The following ZNF804B variants were observed in gnomAD, a reference collection of about 807,000 sequenced individuals.
ZNF804B encodes the protein zinc finger 804B.
Under a neutral mutation model 101.4 loss-of-function variants are expected in ZNF804B, and 80 were observed. The observed-to-expected ratio is 0.79, with a 90% CI of 0.66 to 0.95. The LOEUF (loss-of-function observed/expected upper bound fraction) is 0.95. ZNF804B is among the 40% of genes least tolerant of loss of function. The pLI is 0.00. For missense variants in ZNF804B, 1,673 were observed against 1,561.9 expected (o/e 1.07, Z -1.20); for synonymous variants, 622 against 558.8 (o/e 1.11, Z -1.59).
chr7:88,915,660 A>G (rs1163431687), intron 1 of ZNF804B, among the ~76,000 whole-genome samples: 2 of 151,962 alleles, frequency 1.3e-5, no homozygotes, highest in Admixed American at 6.6e-5. Flanking sequence ...ATTATTTTCA[A>G]TAGACAGAAC....
chr7:88,965,749 T>G (rs1389747066), intron 1 of ZNF804B, among the ~76,000 whole-genome samples: 2 of 151,450 alleles, frequency 1.3e-5, no homozygotes, highest in African/African-American at 4.8e-5. Flanking sequence ...GAATTGAGAG[T>G]ATTTGCTACT....
At chr7:89,330,220 G>A (rs963482179) in intron 3 of ZNF804B, among the ~76,000 whole-genome samples, 1 of 151,600 alleles carries the variant, frequency 6.6e-6, no homozygotes, top group Admixed American at 6.6e-5. Context: ...TTCAAGGGGC[G>A]GGCTGGTGGG....
intron 1 of ZNF804B, among the ~76,000 whole-genome samples, chr7:89,015,130 C>A (rs1369431011): frequency 6.6e-6 from 1 of 152,108 alleles, no homozygotes; most frequent in Non-Finnish European, 1.5e-5. Context: ...ATATACTTGA[C>A]ACCTTTGTCA....
At chr7:89,126,131 A>AT (rs35362573) in intron 1 of ZNF804B, among the ~76,000 whole-genome samples, 13,773 of 150,274 alleles carry the variant, frequency 0.092, 1,289 homozygotes, top group African/African-American at 0.24. Flanking sequence ...ATGTTAATGG[A>AT]TTTTTTTTTT....
chr7:88,917,003 G>A (rs1414860386), intron 1 of ZNF804B, among the ~76,000 whole-genome samples: 2 of 152,082 alleles, frequency 1.3e-5, no homozygotes, highest in Admixed American at 6.6e-5. Flanking sequence ...GGTGGCTCAC[G>A]CCTGTAATCC....
intron 1 of ZNF804B, among the ~76,000 whole-genome samples, chr7:88,917,457 C>A (rs542551527): frequency 1.3e-5 from 2 of 151,926 alleles, no homozygotes; most frequent in African/African-American, 4.8e-5. Context: ...CTGTCATGAA[C>A]CTTCTATAGT....
At chr7:88,815,966 C>G (rs1183274117) in intron 1 of ZNF804B, among the ~76,000 whole-genome samples, 3 of 152,150 alleles carry the variant, frequency 2.0e-5, no homozygotes, top group Non-Finnish European at 1.5e-5. Flanking sequence ...TGGTTTCTGT[C>G]ACCCCGTACC....
At chr7:89,010,097 G>T (rs142583448) in intron 1 of ZNF804B, among the ~76,000 whole-genome samples, 44 of 151,962 alleles carry the variant, frequency 2.9e-4, no homozygotes, top group Non-Finnish European at 4.7e-4. Flanking sequence ...CTAAACAAAA[G>T]GACTGTTTCT....
At chr7:89,105,024 A>C (rs1790114402) in intron 1 of ZNF804B, among the ~76,000 whole-genome samples, 1 of 152,152 alleles carries the variant, frequency 6.6e-6, no homozygotes, top group African/African-American at 2.4e-5. Context: ...TGATGATACC[A>C]ATCTAAAGAA....
chr7:89,050,864 A>G (rs1789192533), intron 1 of ZNF804B, among the ~76,000 whole-genome samples: 2 of 152,230 alleles, frequency 1.3e-5, no homozygotes, highest in South Asian at 2.1e-4. Context: ...TTATATACAT[A>G]TATTATTTCA....
chr7:89,153,632 A>G (rs1292437162), intron 1 of ZNF804B, among the ~76,000 whole-genome samples: 2 of 152,182 alleles, frequency 1.3e-5, no homozygotes, highest in East Asian at 3.9e-4. Flanking sequence ...TCATAAGACA[A>G]GTGGTCACGA....
chr7:88,892,041 A>G (rs1182169420), intron 1 of ZNF804B, among the ~76,000 whole-genome samples: 4 of 152,078 alleles, frequency 2.6e-5, no homozygotes, highest in East Asian at 3.9e-4. Context: ...TATTTTTACC[A>G]TCTTTCTTCT....
At chr7:89,017,347 G>T (rs570263418) in intron 1 of ZNF804B, among the ~76,000 whole-genome samples, 10 of 152,140 alleles carry the variant, frequency 6.6e-5, no homozygotes, top group Non-Finnish European at 1.2e-4. Flanking sequence ...CTGCCTTACT[G>T]CCCTGGCCAG....
At chr7:89,150,806 GCTTT>G (rs1251453124) in intron 1 of ZNF804B, among the ~76,000 whole-genome samples, 1 of 152,088 alleles carries the variant, frequency 6.6e-6, no homozygotes, top group Non-Finnish European at 1.5e-5. Context: ...CTTGGCTGAG[GCTTT>G]CTAAGAGGCC....
chr7:88,819,545 G>A (rs1260305810), intron 1 of ZNF804B, among the ~76,000 whole-genome samples: 1 of 152,068 alleles, frequency 6.6e-6, no homozygotes. Context: ...ACTTCTTTCT[G>A]CCTGCTCTCT....
At chr7:89,151,457 A>G (rs1790874777) in intron 1 of ZNF804B, among the ~76,000 whole-genome samples, 1 of 152,098 alleles carries the variant, frequency 6.6e-6, no homozygotes, top group South Asian at 2.1e-4. Context: ...AACACCTGTA[A>G]TCACTTCATG....
chr7:88,978,105 A>C (rs895257436), intron 1 of ZNF804B, among the ~76,000 whole-genome samples: 19 of 151,816 alleles, frequency 1.3e-4, no homozygotes, highest in African/African-American at 4.6e-4. Flanking sequence ...ACTTGATATA[A>C]TCTTAATATT....
chr7:89,287,190 G>A (rs1201334257), intron 2 of ZNF804B, among the ~76,000 whole-genome samples: 1 of 152,060 alleles, frequency 6.6e-6, no homozygotes, highest in African/African-American at 2.4e-5. Context: ...TTATTTGTAA[G>A]GCTTCTGGTA....
chr7:88,997,972 G>T (rs1788225221), intron 1 of ZNF804B, among the ~76,000 whole-genome samples: 3 of 151,978 alleles, frequency 2.0e-5, no homozygotes, highest in Admixed American at 2.0e-4. Flanking sequence ...TTCCTGTACA[G>T]ATCTTAGCAC....
Sources: gnomAD v4.1 joint callset for allele counts (sites outside exome capture counted in the v4.1 genomes callset) on GRCh38, gnomAD v4.1.1 for gene constraint, MANE v1.5 for transcripts, NCBI Gene and HGNC (gene_info 2026-07-23, HGNC 2026-07-21) for gene names.